The following RAB6A variants were observed in gnomAD, a reference collection of about 807,000 sequenced individuals.
RAB6A encodes the protein RAB6A, member RAS oncogene family.
A neutral mutation model predicts 32.3 loss-of-function variants in RAB6A; 8 were observed. The ratio of observed to expected loss-of-function variants is 0.25; its 90% CI spans 0.15 to 0.45. The LOEUF is 0.45. RAB6A is among the 20% of genes least tolerant of loss of function. RAB6A has a pLI of 1.00. For missense variants in RAB6A, 104 were observed against 249.4 expected (o/e 0.42, Z 3.93); for synonymous variants, 73 against 82.1 (o/e 0.89, Z 0.60).
intron 3 of RAB6A, among the ~76,000 whole-genome samples, chr11:73,719,492 G>C (rs1049986797): frequency 2.6e-5 from 4 of 152,192 alleles, no homozygotes; most frequent in African/African-American, 9.6e-5. Flanking sequence ...AAAGGAGGAA[G>C]ATCTTTTTGC....
intron 3 of RAB6A, among the ~76,000 whole-genome samples, chr11:73,720,241 C>T (rs919919072): frequency 6.9e-6 from 1 of 145,176 alleles, no homozygotes; most frequent in Non-Finnish European, 1.5e-5. Flanking sequence ...AGTGCAATGG[C>T]GCAATCTCAG....
chr11:73,709,922 CACATATATAT>C (rs1011229655), intron 5 of RAB6A, among the ~76,000 whole-genome samples: 5 of 143,542 alleles, frequency 3.5e-5, no homozygotes, highest in African/African-American at 1.3e-4. Context: ...CATATATATA[CACATATATAT>C]ACATACACAC....
At chr11:73,749,278 GTGTTCTCA>G (rs1946639782) in intron 1 of RAB6A, among the ~76,000 whole-genome samples, 2 of 152,152 alleles carry the variant, frequency 1.3e-5, no homozygotes, top group South Asian at 4.1e-4. Context: ...CAAACATCGT[GTGTTCTCA>G]TTTATATAAG....
At chr11:73,739,946 C>CTA (rs1203692298) in intron 1 of RAB6A, among the ~76,000 whole-genome samples, 3 of 151,840 alleles carry the variant, frequency 2.0e-5, no homozygotes, top group Non-Finnish European at 4.4e-5. Context: ...GTAGTCCCAG[C>CTA]TACTCAGGAG....
At chr11:73,742,437 C>CA (rs910939605) in intron 1 of RAB6A, among the ~76,000 whole-genome samples, 3 of 151,990 alleles carry the variant, frequency 2.0e-5, no homozygotes, top group Admixed American at 6.6e-5. Flanking sequence ...CACACGCAGA[C>CA]AAAAAAACTT....
At chr11:73,734,598 C>T (rs1232987231) in intron 1 of RAB6A, among the ~76,000 whole-genome samples, 4 of 152,158 alleles carry the variant, frequency 2.6e-5, no homozygotes, top group African/African-American at 9.7e-5. Flanking sequence ...AACTGTTCTA[C>T]CTCAGATCAT....
chr11:73,680,657 G>C (rs1268950273), intron 6 of RAB6A, among the ~76,000 whole-genome samples: 1 of 152,058 alleles, frequency 6.6e-6, no homozygotes, highest in African/African-American at 2.4e-5. Flanking sequence ...TTCTTGGCGG[G>C]GGTGTGGGGG....
chr11:73,745,617 G>C (rs1351633338), intron 1 of RAB6A, among the ~76,000 whole-genome samples: 1 of 152,114 alleles, frequency 6.6e-6, no homozygotes, highest in Non-Finnish European at 1.5e-5. Context: ...GATCATCTGA[G>C]GTCAGGAGTT....
intron 6 of RAB6A, among the ~76,000 whole-genome samples, chr11:73,685,142 C>T (rs1945422677): frequency 6.6e-6 from 1 of 152,180 alleles, no homozygotes; most frequent in African/African-American, 2.4e-5. Context: ...ACTTAAGTGA[C>T]AGATCATGTA....
intron 1 of RAB6A, among the ~76,000 whole-genome samples, chr11:73,752,417 T>C (rs183756227): frequency 4.9e-4 from 74 of 152,068 alleles, no homozygotes; most frequent in African/African-American, 1.7e-3. Context: ...GATTGCACCA[T>C]TGCACTCCAG....
chr11:73,752,687 G>A (rs1258557344), intron 1 of RAB6A, among the ~76,000 whole-genome samples: 2 of 151,928 alleles, frequency 1.3e-5, no homozygotes, highest in South Asian at 2.1e-4. Context: ...CCTTGGTGGC[G>A]CATGCTTGTG....
At position 73,733,098 on chromosome 11, in the gene RAB6A, T is replaced by A. The variant is rs116477728; in HGVS notation, c.71-2275A>T. On this transcript the variant is annotated intron_variant, in intron 1 of 7. Transcript: ENST00000336083. ...AGTGCTGGGATTACAAGCATGAGCG[T>A]CCACATCTGGCCTCAATTATTTTCT... 9.0e-3 allele frequency among the ~76,000 whole-genome samples: 1,366 copies of A among 152,180 alleles called. 17 individuals are homozygous for A. The highest frequency in any genetic ancestry group is 0.031 in the African/African-American group (1,299 of 41,534).
chr11:73,703,578 C>G (rs920751460), intron 6 of RAB6A, among the ~76,000 whole-genome samples: 1 of 151,812 alleles, frequency 6.6e-6, no homozygotes, highest in African/African-American at 2.4e-5. Flanking sequence ...CCTGTCTCTA[C>G]AAAAAATATA....
At chr11:73,710,215 C>T (rs563266528) in intron 5 of RAB6A, among the ~76,000 whole-genome samples, 1 of 149,834 alleles carries the variant, frequency 6.7e-6, no homozygotes. Context: ...ATCCACCCGC[C>T]TTGGCCTCCC....
intron 2 of RAB6A, among the ~76,000 whole-genome samples, chr11:73,722,187 C>T (rs1216645541): frequency 6.7e-6 from 1 of 148,724 alleles, no homozygotes; most frequent in Admixed American, 6.8e-5. Context: ...CATGTGTCTC[C>T]TTTAATTTCT....
At chr11:73,727,427 T>TG (rs1404272768) in intron 2 of RAB6A, among the ~76,000 whole-genome samples, 27 of 97,860 alleles carry the variant, frequency 2.8e-4, no homozygotes, top group Non-Finnish European at 6.3e-4. Flanking sequence ...CTCTATCTCT[T>TG]GGAAAAAAAA....
At chr11:73,683,175 C>T (rs575093976) in intron 6 of RAB6A, among the ~76,000 whole-genome samples, 14 of 151,532 alleles carry the variant, frequency 9.2e-5, no homozygotes, top group African/African-American at 1.9e-4. Context: ...CTCTATCAAA[C>T]GTTAACAGCA....
chr11:73,690,760 T>C (rs966599905), intron 6 of RAB6A, among the ~76,000 whole-genome samples: 10 of 144,274 alleles, frequency 6.9e-5, no homozygotes, highest in African/African-American at 2.3e-4. Context: ...TCTGAGCCCA[T>C]GGTTGGGTCC....
chr11:73,730,627 T>C (rs760665776), intron 2 of RAB6A, 138 bp downstream of exon 2: 3 of 659,340 alleles, frequency 4.5e-6, no homozygotes, highest in East Asian at 5.9e-5. Context: ...CATTTACACA[T>C]TGTATTTATA....
Sources: allele counts gnomAD v4.1 joint callset (sites outside exome capture counted in the v4.1 genomes callset), GRCh38; gene constraint gnomAD v4.1.1; transcripts MANE v1.5; gene names NCBI Gene and HGNC (gene_info 2026-07-23, HGNC 2026-07-21).